Variants in USH2A observed in about 807,000 individuals in gnomAD.
USH2A encodes the protein usherin, also known as Usher syndrome 2A (autosomal recessive, mild).
In USH2A, 443 loss-of-function variants were observed where a neutral mutation model predicts 538.9. The ratio of observed to expected loss-of-function variants is 0.82; its 90% confidence interval spans 0.76 to 0.89. The LOEUF (loss-of-function observed/expected upper bound fraction) is 0.89. Ranked by LOEUF, USH2A falls within the 40% of genes least tolerant of loss-of-function variation. USH2A has a pLI of 0.00. For synonymous variants in USH2A, 2,413 were observed against 2,273.5 expected (o/e 1.06, Z -1.75); for missense variants, 6,633 against 6,324.8 (o/e 1.05, Z -1.65).
intron 61 of USH2A, among the ~76,000 whole-genome samples, chr1:215,711,078 A>G (rs1659326612): frequency 1.3e-5 from 2 of 152,200 alleles, no homozygotes; most frequent in Non-Finnish European, 2.9e-5. Context: ...AATGTTATTT[A>G]CAGAAATCAA....
In USH2A at chr1:216,190,294, A is replaced by G. The variant is rs766108245; in HGVS notation, c.4325T>C (p.Phe1442Ser). 4.3e-6 allele frequency: 7 copies of G among 1,612,632 alleles called. No individual in the cohort carries two copies. The highest frequency in any genetic ancestry group is 2.5e-6 in the Non-Finnish European group (3 of 1,179,120). Residue 1442 changes from phenylalanine to serine, a missense_variant, in exon 20 of 72, where the codon TTT becomes TCT. Physicochemically the swap from Phe to Ser is radical, Grantham distance 155. Transcript: ENST00000307340. ...EGLKPYRIYE[F>S]TITLCNSVGC... is the part of the protein sequence containing the mutation. Reference sequence around the variant, plus strand: ...AACTGAATTGCAGAGAGTAATAGTAAACTCATATATCCTATAAGGTTTCAG... The same window carrying G: ...AACTGAATTGCAGAGAGTAATAGTAGACTCATATATCCTATAAGGTTTCAG...
At chr1:215,813,682 G>A (rs767640458) in intron 49 of USH2A, 54 bp downstream of exon 49, 3 of 1,610,690 alleles carry the variant, frequency 1.9e-6, no homozygotes, top group Admixed American at 1.7e-5. Context: ...TGAACCACGT[G>A]TTTATGTTTT....
chr1:216,033,294 T>C (rs1186450717), intron 32 of USH2A, among the ~76,000 whole-genome samples: 1 of 152,198 alleles, frequency 6.6e-6, no homozygotes, highest in Non-Finnish European at 1.5e-5. Context: ...TCTCTCTGTA[T>C]GTATATGTGT....
chr1:216,063,993 G>A lies in USH2A; in HGVS notation c.6049+6108C>T, dbSNP rs182907088. Among the ~76,000 whole-genome samples, 66 of 152,304 alleles carry A rather than the reference G, an allele frequency of 4.3e-4. 2 individuals are homozygous for A. Among genetic ancestry groups the A allele is most frequent in the Non-Finnish European group, 1.6e-4 (11 of 68,032 alleles). On this transcript the variant is annotated intron_variant, in intron 30 of 71. Transcript: ENST00000307340. The stretch of plus-strand genomic sequence containing the variant: ...GATTTACTCAAGTTTTGGTGAATCA[G>A]TGAGTGACAGTGGTGTGGTATATAA...
At chr1:216,303,702 G>A (rs1375320731) in intron 9 of USH2A, among the ~76,000 whole-genome samples, 1 of 151,810 alleles carries the variant, frequency 6.6e-6, no homozygotes, top group African/African-American at 2.4e-5. Flanking sequence ...TGTTTGCACT[G>A]AAGTCATCTC....
intron 20 of USH2A, among the ~76,000 whole-genome samples, chr1:216,185,002 C>T (rs779267643): frequency 2.0e-5 from 3 of 151,916 alleles, no homozygotes; most frequent in Non-Finnish European, 4.4e-5. Flanking sequence ...AGTAATTTCT[C>T]ATAAGAAGGG....
At chr1:215,756,751 C>T (rs778851456) in intron 58 of USH2A, among the ~76,000 whole-genome samples, 1 of 151,938 alleles carries the variant, frequency 6.6e-6, no homozygotes, top group Non-Finnish European at 1.5e-5. Context: ...TGGTGAAGCC[C>T]CATTTCTACT....
intron 55 of USH2A, among the ~76,000 whole-genome samples, chr1:215,770,685 T>C (rs1286248792): frequency 6.6e-6 from 1 of 152,180 alleles, no homozygotes; most frequent in African/African-American, 2.4e-5. Flanking sequence ...GTGCACTTCA[T>C]GGGTGTTAAT....
At position 215,859,493 on chromosome 1, in the gene USH2A, C is replaced by T. The variant is rs958940105; in HGVS notation, c.8845+7514G>A. On this transcript the variant is annotated intron_variant, in intron 44 of 71. Transcript: ENST00000307340. ...AGGTTGCAGTGAGCCGAGATCACAC[C>T]ACTGCACTCCAGCCTGAGTGACAGA... 4.6e-5 allele frequency among the ~76,000 whole-genome samples: 7 copies of T among 151,974 alleles called. No homozygotes were observed. The South Asian group carries it at 1.5e-3, about 32-fold the overall frequency.
intron 70 of USH2A, among the ~76,000 whole-genome samples, chr1:215,631,930 C>T (rs1423351363): frequency 6.6e-6 from 1 of 152,246 alleles, no homozygotes; most frequent in African/African-American, 2.4e-5. Flanking sequence ...CAAGGTCTAA[C>T]CAGCACCCTC....
intron 34 of USH2A, among the ~76,000 whole-genome samples, chr1:215,996,751 A>G (rs1475710348): frequency 7.2e-5 from 11 of 151,966 alleles, no homozygotes; most frequent in East Asian, 1.9e-4. Context: ...CCCATTTCCA[A>G]TAGGCCCTGT....
chr1:216,179,736 A>G (rs938582157), intron 20 of USH2A, among the ~76,000 whole-genome samples: 2 of 152,064 alleles, frequency 1.3e-5, no homozygotes, highest in Non-Finnish European at 1.5e-5. Context: ...TGAACCATTA[A>G]ACACACACAC....
At chr1:215,964,497 T>C (rs1047786242) in intron 37 of USH2A, among the ~76,000 whole-genome samples, 13 of 152,062 alleles carry the variant, frequency 8.5e-5, no homozygotes, top group African/African-American at 3.1e-4. Context: ...TCATAGAAAA[T>C]TCAGAAACAA....
chr1:215,926,055 A>G (rs182099724), intron 38 of USH2A, among the ~76,000 whole-genome samples: 3 of 152,242 alleles, frequency 2.0e-5, no homozygotes, highest in Admixed American at 1.3e-4. Flanking sequence ...AGGTATAGAA[A>G]TATTTTACAA....
In USH2A at chr1:216,175,368, C is replaced by A. The variant is rs1558298558; in HGVS notation, c.4511G>T (p.Arg1504Met). 2 of 1,613,786 alleles carry A rather than the reference C, an allele frequency of 1.2e-6. No individual in the cohort carries two copies. The highest frequency in any genetic ancestry group is 2.2e-5 in the East Asian group (1 of 44,790). The change falls in exon 21 of 72, where the codon AGG becomes ATG. Residue 1504 changes from arginine (R) to methionine (M), a missense_variant. Arg to Met is a moderately conservative substitution (Grantham distance 91, BLOSUM62 -1). Coordinates refer to ENST00000307340, the MANE Select transcript of USH2A (RefSeq NM_206933.4). ...CAGAGCTGGTAGAGATGACTCTCTC[C>A]TTTCCAGCTGATATATAGGAGAGGG... is the stretch of plus-strand genomic sequence containing the variant. ...NGPSPIYQLE[R>M]RESSLPALMT...
intron 43 of USH2A, among the ~76,000 whole-genome samples, chr1:215,871,771 A>G (rs1462278045): frequency 6.6e-6 from 1 of 152,178 alleles, no homozygotes; most frequent in Non-Finnish European, 1.5e-5. Context: ...CATCAGATGA[A>G]GCATCTAATT....
chr1:216,413,896 T>C (rs1313667550), intron 3 of USH2A, among the ~76,000 whole-genome samples: 1 of 152,156 alleles, frequency 6.6e-6, no homozygotes, highest in Non-Finnish European at 1.5e-5. Context: ...ATTTGGGCTA[T>C]AAAATGTGTG....
chr1:215,628,753 T>G (rs1656150268), intron 71 of USH2A, 61 bp downstream of exon 71: 2 of 1,559,078 alleles, frequency 1.3e-6, no homozygotes, highest in African/African-American at 2.7e-5. Flanking sequence ...TACAGGCAGC[T>G]CTGTACCAAT....
intron 4 of USH2A, among the ~76,000 whole-genome samples, chr1:216,354,818 C>T (rs938938166): frequency 1.3e-5 from 2 of 149,476 alleles, no homozygotes; most frequent in African/African-American, 4.9e-5. Context: ...GAAAAGGAAG[C>T]AAAAAAAGGA....
Sources: gnomAD v4.1 joint callset for allele counts (sites outside exome capture counted in the v4.1 genomes callset) on GRCh38, gnomAD v4.1.1 for gene constraint, MANE v1.5 for transcripts, NCBI Gene and HGNC (gene_info 2026-07-23, HGNC 2026-07-21) for gene names.